ZFPM2: variants seen among roughly 807,000 people sequenced by gnomAD.
ZFPM2 encodes the protein zinc finger protein ZFPM2.
ZFPM2 carries 20 observed loss-of-function variants against 98.6 expected under a neutral mutation model. The observed-to-expected ratio is 0.20, with a 90% confidence interval of 0.14 to 0.29. ZFPM2 has a LOEUF of 0.29. ZFPM2 is among the 10% of genes least tolerant of loss of function. ZFPM2 has a pLI of 1.00. For missense variants in ZFPM2, 1,310 were observed against 1,388.6 expected (o/e 0.94, Z 0.90); for synonymous variants, 518 against 502.7 (o/e 1.03, Z -0.41).
intron 3 of ZFPM2, among the ~76,000 whole-genome samples, chr8:105,519,940 G>GA (rs1451895798): frequency 6.6e-6 from 1 of 152,012 alleles, no homozygotes; most frequent in Admixed American, 6.6e-5. Context: ...ATGCCTGTAG[G>GA]AAAAATACGT....
At chr8:105,546,941 T>C (rs1175760973) in intron 3 of ZFPM2, among the ~76,000 whole-genome samples, 2 of 152,182 alleles carry the variant, frequency 1.3e-5, no homozygotes. Flanking sequence ...CATATACAGT[T>C]CTTTTCCAGA....
intron 3 of ZFPM2, among the ~76,000 whole-genome samples, chr8:105,496,407 C>G: frequency 6.6e-6 from 1 of 152,064 alleles, no homozygotes; most frequent in East Asian, 1.9e-4. Flanking sequence ...GAGAGTGGTA[C>G]TCAAATATCT....
intron 4 of ZFPM2, among the ~76,000 whole-genome samples, chr8:105,621,915 G>A (rs1376005412): frequency 6.6e-6 from 1 of 152,018 alleles, no homozygotes; most frequent in Admixed American, 6.6e-5. Context: ...TTGTTACATA[G>A]GTATACATGT....
rs113674450 is a variant in ZFPM2, at chr8:105,357,828, A to G, written c.40+38847A>G. On this transcript the variant is annotated intron_variant, in intron 1 of 7. Transcript: ENST00000407775. ...CCATCTCCTTAACCATAGAATGATGATGCCACCCCTGCCACTGCCTGTTAC... is the reference window on the plus strand; with the variant it reads ...CCATCTCCTTAACCATAGAATGATGGTGCCACCCCTGCCACTGCCTGTTAC... Among the ~76,000 whole-genome samples the G allele has an allele frequency of 9.2e-3, 1,398 of 152,276 alleles. 18 individuals carry two copies. Among genetic ancestry groups the G allele is most frequent in the African/African-American group, 0.032 (1,332 of 41,572 alleles).
intron 5 of ZFPM2, among the ~76,000 whole-genome samples, chr8:105,672,046 G>A (rs980420141): frequency 6.6e-6 from 1 of 152,026 alleles, no homozygotes; most frequent in African/African-American, 2.4e-5. Flanking sequence ...TTCCCAAACT[G>A]ATTTGTTTCA....
chr8:105,510,674 T>G, intron 3 of ZFPM2, among the ~76,000 whole-genome samples: 1 of 152,158 alleles, frequency 6.6e-6, no homozygotes, highest in East Asian at 1.9e-4. Flanking sequence ...GCAAAACACC[T>G]CTGACAAGAA....
At chr8:105,327,115 A>C (rs1812129140) in intron 1 of ZFPM2, among the ~76,000 whole-genome samples, 1 of 151,458 alleles carries the variant, frequency 6.6e-6, no homozygotes, top group Admixed American at 6.6e-5. Context: ...ACATTTGGAA[A>C]ACTTTTGTGG....
At chr8:105,447,561 TATTG>T (rs1377818534) in intron 3 of ZFPM2, among the ~76,000 whole-genome samples, 1 of 152,018 alleles carries the variant, frequency 6.6e-6, no homozygotes, top group African/African-American at 2.4e-5. Flanking sequence ...AGCCGCAAAT[TATTG>T]ATTAAGATAT....
chr8:105,781,958 T>G lies in ZFPM2; in HGVS notation c.533-6760T>G, dbSNP rs77057417. ...GTGAACACCAGATGGCGCCATGGCT[T>G]GGGACACCTAGTTTTTCACATAAAA... On this transcript the variant is annotated intron_variant, in intron 5 of 7. Coordinates refer to ENST00000407775, the MANE Select transcript of ZFPM2 (RefSeq NM_012082.4). 6.7e-3 allele frequency among the ~76,000 whole-genome samples: 1,017 copies of G among 152,266 alleles called. 31 individuals are homozygous for G. The highest frequency in any genetic ancestry group is 0.047 in the Admixed American group (717 of 15,288).
At chr8:105,375,431 G>T (rs947113758) in intron 1 of ZFPM2, among the ~76,000 whole-genome samples, 3 of 152,158 alleles carry the variant, frequency 2.0e-5, no homozygotes, top group Non-Finnish European at 2.9e-5. Flanking sequence ...GGGAGAAAAG[G>T]AGAGGGAAGT....
At chr8:105,767,213 A>G (rs1179760094) in intron 5 of ZFPM2, among the ~76,000 whole-genome samples, 3 of 151,980 alleles carry the variant, frequency 2.0e-5, no homozygotes, top group Admixed American at 6.6e-5. Flanking sequence ...TTGATTTTAC[A>G]TACCATCCTG....
At chr8:105,622,897 C>T (rs1361267759) in intron 4 of ZFPM2, among the ~76,000 whole-genome samples, 3 of 152,180 alleles carry the variant, frequency 2.0e-5, no homozygotes, top group Non-Finnish European at 2.9e-5. Context: ...AATTTTAAAA[C>T]CAAATATACA....
chr8:105,757,802 G>A (rs1812638663), intron 5 of ZFPM2, among the ~76,000 whole-genome samples: 1 of 152,082 alleles, frequency 6.6e-6, no homozygotes, highest in Non-Finnish European at 1.5e-5. Flanking sequence ...TTCTGGTGTT[G>A]TGAAATTATG....
intron 4 of ZFPM2, among the ~76,000 whole-genome samples, chr8:105,571,655 T>A (rs1279055061): frequency 1.3e-5 from 2 of 152,206 alleles, no homozygotes; most frequent in Non-Finnish European, 2.9e-5. Flanking sequence ...TTATGAGGAC[T>A]TAGCATCAAT....
chr8:105,794,339 T>C (rs1319103825), intron 6 of ZFPM2, among the ~76,000 whole-genome samples: 1 of 152,162 alleles, frequency 6.6e-6, no homozygotes, highest in Non-Finnish European at 1.5e-5. Context: ...TTGCTAGAGG[T>C]CCACTCCAGA....
chr8:105,632,427 C>T lies in ZFPM2; in HGVS notation c.421-1819C>T, dbSNP rs1205181335. Among the ~76,000 whole-genome samples the T allele has an allele frequency of 3.9e-5, 6 of 152,116 alleles. No individual in the cohort carries two copies. The South Asian group carries it at 1.0e-3, about 26-fold the overall frequency. On this transcript the variant is annotated intron_variant, in intron 4 of 7. Coordinates refer to ENST00000407775, the MANE Select transcript of ZFPM2 (RefSeq NM_012082.4). Reference sequence around the variant, plus strand: ...TCAAGTGAGTCATCCACTTCGGCCTCCCAAAGTGCTGGGATTGTAGGAGTG... The same window carrying T: ...TCAAGTGAGTCATCCACTTCGGCCTTCCAAAGTGCTGGGATTGTAGGAGTG...
At chr8:105,748,919 T>C (rs1483047950) in intron 5 of ZFPM2, among the ~76,000 whole-genome samples, 2 of 152,090 alleles carry the variant, frequency 1.3e-5, no homozygotes, top group Admixed American at 1.3e-4. Flanking sequence ...GATGAACCTA[T>C]ATTTTCCTAC....
chr8:105,440,211 G>A lies in ZFPM2; in HGVS notation c.200-4069G>A, dbSNP rs545547113. 3.0e-3 allele frequency among the ~76,000 whole-genome samples: 461 copies of A among 152,212 alleles called. 4 individuals are homozygous for A. The highest frequency in any genetic ancestry group is 0.011 in the African/African-American group (450 of 41,536). On this transcript the variant is annotated intron_variant, in intron 2 of 7. Coordinates refer to ENST00000407775, the MANE Select transcript of ZFPM2 (RefSeq NM_012082.4). Reference sequence around the variant, plus strand: ...GAAACTCAGAGTCTAAATAGAGATGGTAGCTAGCATTTAATAGTATTATCT... The same window carrying A: ...GAAACTCAGAGTCTAAATAGAGATGATAGCTAGCATTTAATAGTATTATCT...
intron 1 of ZFPM2, among the ~76,000 whole-genome samples, chr8:105,352,818 T>C (rs2129719801): frequency 6.6e-6 from 1 of 152,246 alleles, no homozygotes; most frequent in South Asian, 2.1e-4. Context: ...ATTTAAACCT[T>C]ATCTGTATGC....
Sources: allele counts gnomAD v4.1 joint callset (sites outside exome capture counted in the v4.1 genomes callset), GRCh38; gene constraint gnomAD v4.1.1; transcripts MANE v1.5; gene names NCBI Gene and HGNC (gene_info 2026-07-23, HGNC 2026-07-21).